Variants in BLK observed in about 807,000 individuals in gnomAD.
BLK encodes tyrosine-protein kinase Blk.
Under a neutral mutation model 61.8 loss-of-function variants are expected in BLK, and 64 were observed. The ratio of observed to expected loss-of-function variants is 1.03; its 90% CI spans 0.85 to 1.27. BLK has a LOEUF of 1.27. Ranked by LOEUF, BLK falls within the 50% of genes most tolerant of loss-of-function variation. The pLI is 0.00. For synonymous variants in BLK, 351 were observed against 272.0 expected (o/e 1.29, Z -2.86); for missense variants, 853 against 660.5 (o/e 1.29, Z -3.19).
intron 1 of BLK, among the ~76,000 whole-genome samples, chr8:11,541,034 G>C (rs970892275): frequency 1.3e-5 from 2 of 152,308 alleles, no homozygotes; most frequent in African/African-American, 4.8e-5. Flanking sequence ...GGGAGGCTGA[G>C]ATGGGCAGGT....
intron 10 of BLK, chr8:11,560,751 A>G: frequency 2.4e-6 from 1 of 422,998 alleles, no homozygotes; most frequent in South Asian, 1.6e-5. Flanking sequence ...TTGGTCACAA[A>G]TCAACCTCGT....
At chr8:11,495,723 C>A (rs558674438) in intron 1 of BLK, among the ~76,000 whole-genome samples, 1 of 152,282 alleles carries the variant, frequency 6.6e-6, no homozygotes, top group Non-Finnish European at 1.5e-5. Context: ...GAATTCGCAT[C>A]CTGTATTGGA....
At chr8:11,529,470 G>A (rs765435283) in intron 1 of BLK, among the ~76,000 whole-genome samples, 5 of 152,088 alleles carry the variant, frequency 3.3e-5, no homozygotes, top group Non-Finnish European at 7.4e-5. Flanking sequence ...CTGGTTTCTT[G>A]ATCTGGGTGG....
intron 12 of BLK, 138 bp downstream of exon 12, chr8:11,563,248 G>C: frequency 7.7e-7 from 1 of 1,295,894 alleles, no homozygotes; most frequent in Non-Finnish European, 1.1e-6. Flanking sequence ...CCCAGGCATG[G>C]CATCTGGGGT....
intron 1 of BLK, among the ~76,000 whole-genome samples, chr8:11,530,714 C>A (rs1799850854): frequency 1.5e-5 from 1 of 68,700 alleles, no homozygotes; most frequent in Non-Finnish European, 2.8e-5. Flanking sequence ...AAAAACAAAA[C>A]AAAAAGAATC....
At chr8:11,513,110 T>A (rs1446130717) in intron 1 of BLK, among the ~76,000 whole-genome samples, 1 of 152,188 alleles carries the variant, frequency 6.6e-6, no homozygotes, top group Non-Finnish European at 1.5e-5. Context: ...TGTTTTATCC[T>A]CCTACGAGAT....
In BLK at chr8:11,561,134, A is replaced by T. The variant is rs565902006; in HGVS notation, c.1030-168A>T. ...TGCTGCGTTGCTGTTCTGGGCTTCT[A>T]GGAGAGGAGTTTATTCGGCTGAGGA... On this transcript the variant is annotated intron_variant, in intron 10 of 12. Transcript: ENST00000259089. 4 of 980,436 alleles carry T rather than the reference A, an allele frequency of 4.1e-6. No homozygotes were observed. The East Asian group carries it at 1.0e-4, about 26-fold the overall frequency. 60.7% of individuals were successfully genotyped at this position (980,436 alleles called of 1,614,324 possible).
At chr8:11,561,932 C>T (rs1476213085) in intron 11 of BLK, among the ~76,000 whole-genome samples, 20 of 151,956 alleles carry the variant, frequency 1.3e-4, no homozygotes, top group Non-Finnish European at 2.6e-4. Context: ...AATTCTTCTG[C>T]CTCAGCCTCC....
rs1211754429 is a variant in BLK at position 11,521,387 on chromosome 8, C to T, written c.-1-21837C>T. Among the ~76,000 whole-genome samples, 3 of 152,196 alleles carry T rather than the reference C, an allele frequency of 2.0e-5. No homozygotes were observed. In the East Asian group the frequency reaches 5.8e-4, roughly 29 times the overall value. ...CTCACTGCAGCCTTGACTTCCCAGG[C>T]TCAAGCAATCCTCCCATCTAAGCCT... On this transcript the variant is annotated intron_variant, in intron 1 of 12. Transcript: ENST00000259089.
At chr8:11,554,316 AT>A in intron 6 of BLK, 1 of 253,632 alleles carries the variant, frequency 3.9e-6, no homozygotes, top group Non-Finnish European at 7.7e-6. Context: ...GCAGCTGTGA[AT>A]GGCTATCTGC....
chr8:11,517,834 G>A (rs1036819575), intron 1 of BLK, among the ~76,000 whole-genome samples: 4 of 152,204 alleles, frequency 2.6e-5, no homozygotes, highest in Non-Finnish European at 4.4e-5. Flanking sequence ...TCTATGCCCC[G>A]ACAGCTTGAA....
intron 1 of BLK, among the ~76,000 whole-genome samples, chr8:11,507,366 C>T (rs989488324): frequency 2.6e-5 from 4 of 152,198 alleles, no homozygotes; most frequent in African/African-American, 9.7e-5. Context: ...TTTGCAGTGG[C>T]CCTGGCCTGG....
Position 11,495,307 on chromosome 8 carries a change from G to A in BLK, c.-2+716G>A, listed in dbSNP as rs139844234. On this transcript the variant is annotated intron_variant, in intron 1 of 12. Coordinates refer to ENST00000259089, the MANE Select transcript of BLK (RefSeq NM_001715.3). ...TTACCAAGGAACTAAGGAATTGTGC[G>A]TTTGCAGTAACAGAAGAAATTGCTG... Among the ~76,000 whole-genome samples the A allele has an allele frequency of 1.6e-3, 111 of 68,330 alleles. 1 individual carries two copies. The highest frequency in any genetic ancestry group is 6.3e-3 in the African/African-American group (101 of 15,998). 44.8% of individuals were successfully genotyped at this position (68,330 alleles called of 152,430 possible).
intron 1 of BLK, among the ~76,000 whole-genome samples, chr8:11,534,826 C>T (rs1400363383): frequency 1.3e-5 from 2 of 152,200 alleles, no homozygotes; most frequent in African/African-American, 4.8e-5. Flanking sequence ...AGCCTCTCAC[C>T]ATCAGGCTCT....
At chr8:11,512,589 A>C (rs910518903) in intron 1 of BLK, among the ~76,000 whole-genome samples, 7 of 152,222 alleles carry the variant, frequency 4.6e-5, no homozygotes, top group African/African-American at 1.7e-4. Context: ...CCTCTACTTT[A>C]TAGATAAAGC....
At chr8:11,528,284 C>T (rs989260829) in intron 1 of BLK, among the ~76,000 whole-genome samples, 7 of 152,176 alleles carry the variant, frequency 4.6e-5, no homozygotes, top group African/African-American at 1.7e-4. Context: ...TGATCTCCCA[C>T]CTTGGCCTCC....
rs756828789 is a variant in BLK, at chr8:11,558,035, G to A, written c.1026G>A (p.Ala342=). 3.6e-5 allele frequency: 58 copies of A among 1,613,856 alleles called. No individual in the cohort carries two copies. Among genetic ancestry groups the A allele is most frequent in the Admixed American group, 1.2e-4 (7 of 60,008 alleles). The change falls in exon 10 of 13, where the codon GCG becomes GCA. Residue 342 remains alanine, a synonymous_variant. Transcript: ENST00000259089. The part of the protein sequence containing the change: ...LSLPRLIDMS[A]QIAEGMAYIE... ...TCCCAAGGCTGATTGACATGTCGGC[G>A]CAGGTTGGTGAAGTACCAGGTGCAG...
chr8:11,511,770 A>G (rs554404143), intron 1 of BLK, among the ~76,000 whole-genome samples: 8 of 152,358 alleles, frequency 5.3e-5, no homozygotes, highest in African/African-American at 1.9e-4. Context: ...ATGTAGTGCA[A>G]CATTCAACAT....
Position 11,556,629 on chromosome 8 carries a change from G to C in BLK, c.773-29G>C, listed in dbSNP as rs199955544. On this transcript the variant is annotated intron_variant, in intron 8 of 12. Coordinates refer to ENST00000259089, the MANE Select transcript of BLK (RefSeq NM_001715.3). ...CCTCCGAGCAAGCTCTCTGTCTTCT[G>C]ATTGGCTTCTTCACTCCCCCGGGCT... 22 of 1,613,956 alleles carry C rather than the reference G, an allele frequency of 1.4e-5. No homozygotes were observed. In the East Asian group the frequency reaches 4.5e-4, roughly 33 times the overall value.
Sources: allele counts gnomAD v4.1 joint callset (sites outside exome capture counted in the v4.1 genomes callset), GRCh38; gene constraint gnomAD v4.1.1; transcripts MANE v1.5; gene names NCBI Gene and HGNC (gene_info 2026-07-23, HGNC 2026-07-21).